PCBP3: variants seen among roughly 807,000 people sequenced by gnomAD.
The protein encoded by PCBP3 is poly(rC) binding protein 3, also known as poly(rC)-binding protein 3.
PCBP3 carries 25 observed loss-of-function variants against 52.7 expected under a neutral mutation model. The observed-to-expected ratio is 0.47, with a 90% confidence interval of 0.35 to 0.66. The LOEUF (loss-of-function observed/expected upper bound fraction) is 0.66. Ranked by LOEUF, PCBP3 falls within the 30% of genes least tolerant of loss-of-function variation. The pLI is 0.01. For synonymous variants in PCBP3, 162 were observed against 183.0 expected (o/e 0.89, Z 0.93); for missense variants, 391 against 490.3 (o/e 0.80, Z 1.91).
chr21:45,807,140 C>T (rs981636094), intron 4 of PCBP3, among the ~76,000 whole-genome samples: 2 of 152,178 alleles, frequency 1.3e-5, no homozygotes, highest in African/African-American at 4.8e-5. Flanking sequence ...GACAAGGATG[C>T]CCTCTCTCAC....
intron 4 of PCBP3, among the ~76,000 whole-genome samples, chr21:45,765,822 A>G (rs2085992100): frequency 6.6e-6 from 1 of 152,238 alleles, no homozygotes; most frequent in Non-Finnish European, 1.5e-5. Context: ...ATTCCTCCTG[A>G]ATAAGCACTG....
chr21:45,793,754 C>G (rs1376915764), intron 4 of PCBP3, among the ~76,000 whole-genome samples: 1 of 152,130 alleles, frequency 6.6e-6, no homozygotes, highest in Non-Finnish European at 1.5e-5. Context: ...AAACTGTACT[C>G]TAGATTTAAT....
At chr21:45,682,647 T>C (rs892845571) in intron 2 of PCBP3, among the ~76,000 whole-genome samples, 1 of 151,940 alleles carries the variant, frequency 6.6e-6, no homozygotes, top group African/African-American at 2.4e-5. Flanking sequence ...GTATGTAGTA[T>C]GAGAGGAAGA....
At chr21:45,679,078 A>ATT (rs34808106) in intron 2 of PCBP3, among the ~76,000 whole-genome samples, 204 of 120,818 alleles carry the variant, frequency 1.7e-3, no homozygotes, top group African/African-American at 6.0e-3. Context: ...GATTGTTAGC[A>ATT]TTTTTTTTTT....
At chr21:45,713,364 A>G (rs940591870) in intron 2 of PCBP3, among the ~76,000 whole-genome samples, 1 of 152,134 alleles carries the variant, frequency 6.6e-6, no homozygotes, top group African/African-American at 2.4e-5. Flanking sequence ...ACAAACCGGG[A>G]TGAGCCGCTG....
intron 5 of PCBP3, 83 bp downstream of exon 5, chr21:45,850,178 A>G: frequency 8.6e-7 from 1 of 1,156,302 alleles, no homozygotes; most frequent in Non-Finnish European, 1.3e-6. Flanking sequence ...TGACAAATGA[A>G]ATCTGTTTGA....
rs974353978 is a variant in PCBP3 at position 45,880,654 on chromosome 21, G to A, written c.11-15554G>A. Reference sequence around the variant, plus strand: ...ATTCAGTGGTGAACGGAGGAGACACGTGTGCCCTCTGCCCTCTCGGTGCCA... The same window carrying A: ...ATTCAGTGGTGAACGGAGGAGACACATGTGCCCTCTGCCCTCTCGGTGCCA... On this transcript the variant is annotated intron_variant, in intron 5 of 17. Transcript: ENST00000681687. This position sits in a 1 kb window ranked among gnomAD's most constrained non-coding sequence, Gnocchi z 5.4. Among the ~76,000 whole-genome samples, 1 of 152,174 alleles carries A rather than the reference G, an allele frequency of 6.6e-6. No homozygotes were observed. The highest frequency in any genetic ancestry group is 6.5e-5 in the Admixed American group (1 of 15,282).
intron 2 of PCBP3, among the ~76,000 whole-genome samples, chr21:45,725,804 G>A (rs75564491): frequency 2.5e-4 from 38 of 152,122 alleles, no homozygotes; most frequent in Admixed American, 2.2e-3. Flanking sequence ...TGGGTGGCAG[G>A]GGGGAGCCAG....
At chr21:45,670,179 G>A (rs2081085394) in intron 2 of PCBP3, among the ~76,000 whole-genome samples, 1 of 151,996 alleles carries the variant, frequency 6.6e-6, no homozygotes, top group Admixed American at 6.6e-5. Context: ...TCTCTTTGTA[G>A]TTTTGATTTG....
chr21:45,709,166 GA>G (rs1265082428), intron 2 of PCBP3, among the ~76,000 whole-genome samples: 4 of 152,382 alleles, frequency 2.6e-5, no homozygotes, highest in African/African-American at 9.6e-5. Flanking sequence ...GTTCTCAGCA[GA>G]AGGGGCTGCT....
rs540313095 is a variant in PCBP3, at chr21:45,906,685, A to G, written c.340-2670A>G. ...AGGCAGGGGTCTGCCCAGAGCCCACACACTTGCCGGTGGGCCGAGGAGTTC... is the reference window on the plus strand; with the variant it reads ...AGGCAGGGGTCTGCCCAGAGCCCACGCACTTGCCGGTGGGCCGAGGAGTTC... On this transcript the variant is annotated intron_variant, in intron 9 of 17. Coordinates refer to ENST00000681687, the MANE Select transcript of PCBP3 (RefSeq NM_001384156.1). Among the ~76,000 whole-genome samples, 41 of 152,266 alleles carry G rather than the reference A, an allele frequency of 2.7e-4. 1 individual carries two copies. The highest frequency in any genetic ancestry group is 3.4e-3 in the Middle Eastern group (1 of 294).
intron 5 of PCBP3, among the ~76,000 whole-genome samples, chr21:45,890,811 T>C (rs1222718556): frequency 6.7e-6 from 1 of 148,730 alleles, no homozygotes; most frequent in Non-Finnish European, 1.5e-5. Flanking sequence ...TGTGTGCTGC[T>C]GAGAGGAATG....
chr21:45,735,963 T>C lies in PCBP3; in HGVS notation c.-162+534T>C, dbSNP rs2085842070. Among the ~76,000 whole-genome samples the C allele has an allele frequency of 6.6e-6, 1 of 152,240 alleles. No homozygotes were observed. The highest frequency in any genetic ancestry group is 2.4e-5 in the African/African-American group (1 of 41,464). The stretch of plus-strand genomic sequence containing the variant: ...AGAGGCACTCACCTGTCTCACACAA[T>C]GCACTGTGGTCCCAATTCTAGTTTT... On this transcript the variant is annotated intron_variant, in intron 3 of 17. Transcript: ENST00000681687. This position sits in a 1 kb window ranked among gnomAD's most constrained non-coding sequence, Gnocchi z 4.0.
chr21:45,725,474 A>G (rs2084958311), intron 2 of PCBP3, among the ~76,000 whole-genome samples: 1 of 152,182 alleles, frequency 6.6e-6, no homozygotes, highest in Non-Finnish European at 1.5e-5. Context: ...TTAACAACCC[A>G]TTCTCCTTCA....
At chr21:45,680,074 G>A (rs1054882744) in intron 2 of PCBP3, among the ~76,000 whole-genome samples, 4 of 152,044 alleles carry the variant, frequency 2.6e-5, no homozygotes, top group Admixed American at 6.6e-5. Flanking sequence ...TTCTTATATC[G>A]TTCCATTGAT....
At chr21:45,647,437 G>C (rs1027612318) in intron 1 of PCBP3, among the ~76,000 whole-genome samples, 1 of 152,192 alleles carries the variant, frequency 6.6e-6, no homozygotes, top group African/African-American at 2.4e-5. Context: ...GCCATACTCA[G>C]TGCTGCAGTT....
At position 45,880,812 on chromosome 21, in the gene PCBP3, G is replaced by A. The variant is rs548175712; in HGVS notation, c.11-15396G>A. Among the ~76,000 whole-genome samples, 3 of 152,202 alleles carry A rather than the reference G, an allele frequency of 2.0e-5. No individual in the cohort carries two copies. The South Asian group carries it at 6.2e-4, about 32-fold the overall frequency. ...CACCCTGTCCCTGCCACGGAAGCCAGGGAGCCAGCGGGAGGGCAGGGAGCA... is the reference window on the plus strand; with the variant it reads ...CACCCTGTCCCTGCCACGGAAGCCAAGGAGCCAGCGGGAGGGCAGGGAGCA... On this transcript the variant is annotated intron_variant, in intron 5 of 17. Coordinates refer to ENST00000681687, the MANE Select transcript of PCBP3 (RefSeq NM_001384156.1). This position sits in a 1 kb window ranked among gnomAD's most constrained non-coding sequence, Gnocchi z 5.4.
Position 45,850,111 on chromosome 21 carries a change from T to A in PCBP3, c.10+16T>A. 6.5e-7 allele frequency: 1 copy of A among 1,548,296 alleles called. No homozygotes were observed. ...ATGGGGGAAGGTGAGTTACTGTCTT[T>A]TGTTTCCATGTTTGTTTGTTTACCA... On this transcript the variant is annotated intron_variant, in intron 5 of 17. Transcript: ENST00000681687.
chr21:45,785,580 C>T (rs1353813192), intron 4 of PCBP3, among the ~76,000 whole-genome samples: 1 of 151,846 alleles, frequency 6.6e-6, no homozygotes, highest in Non-Finnish European at 1.5e-5. Context: ...CCGGCCGCCC[C>T]TACTGGGAAG....
Sources: allele counts gnomAD v4.1 joint callset (sites outside exome capture counted in the v4.1 genomes callset), GRCh38; gene constraint gnomAD v4.1.1; non-coding constraint Gnocchi (gnomAD v3.1); transcripts MANE v1.5; gene names NCBI Gene and HGNC (gene_info 2026-07-23, HGNC 2026-07-21).